CFAP276: variants seen among roughly 807,000 people sequenced by gnomAD.
The protein encoded by CFAP276 is cilia and flagella associated protein 276.
chr1:109,106,680 G>A, the CFAP276 span: 13 of 1,610,144 alleles, frequency 8.1e-6, no homozygotes, highest in South Asian at 1.2e-4. Flanking sequence ...GCATAGGGAA[G>A]AAAAGTGGAG....
the CFAP276 span, chr1:109,108,031 G>A: frequency 1.4e-6 from 2 of 1,436,174 alleles, no homozygotes; most frequent in Admixed American, 1.7e-5. Flanking sequence ...TTCTTATATG[G>A]CAATTTCTGC....
the CFAP276 span, among the ~76,000 whole-genome samples, chr1:109,109,492 C>T: frequency 6.7e-6 from 1 of 150,114 alleles, no homozygotes; most frequent in South Asian, 2.1e-4. Context: ...CATTGTAATC[C>T]TCCTTCCCCA....
the CFAP276 span, chr1:109,106,877 C>T: frequency 0.027 from 23,662 of 870,396 alleles, 411 homozygotes; most frequent in Non-Finnish European, 0.032. Flanking sequence ...ATTATAGACA[C>T]AGATGTAAAA....
the CFAP276 span, chr1:109,106,590 G>T: frequency 6.2e-7 from 1 of 1,614,028 alleles, no homozygotes; most frequent in South Asian, 1.1e-5. Context: ...TCCAGTGTCT[G>T]ATGTTAGCCA....
At chr1:109,111,992 T>TA in the CFAP276 span, among the ~76,000 whole-genome samples, 2 of 152,218 alleles carry the variant, frequency 1.3e-5, no homozygotes, top group Non-Finnish European at 1.5e-5. Flanking sequence ...TGGCTTATAG[T>TA]AAATAAGTAT....
At chr1:109,113,041 T>A in the CFAP276 span, among the ~76,000 whole-genome samples, 2 of 152,100 alleles carry the variant, frequency 1.3e-5, no homozygotes, top group Non-Finnish European at 2.9e-5. Flanking sequence ...GAAATTTCCT[T>A]CTCCCTCGCA....
the CFAP276 span, chr1:109,107,031 T>C: frequency 6.2e-7 from 1 of 1,614,186 alleles, no homozygotes; most frequent in East Asian, 2.2e-5. Context: ...CGTGGTTTTC[T>C]GGTTTAACAG....
the CFAP276 span, among the ~76,000 whole-genome samples, chr1:109,113,451 A>AGAGAGAGAGAGT: frequency 1.4e-4 from 17 of 120,444 alleles, no homozygotes; most frequent in East Asian, 4.9e-3. Context: ...AGAGAGAGAG[A>AGAGAGAGAGAGT]GAGAGAGAGA....
the CFAP276 span, chr1:109,106,626 G>T: frequency 1.9e-6 from 3 of 1,613,668 alleles, no homozygotes; most frequent in Non-Finnish European, 2.5e-6. Context: ...GAGTGGGAGG[G>T]GTTAAAAATT....
the CFAP276 span, chr1:109,106,818 A>G: frequency 4.3e-6 from 4 of 941,106 alleles, no homozygotes; most frequent in Admixed American, 2.9e-5. Flanking sequence ...GATGAGCACA[A>G]TCTTGGGAGA....
chr1:109,108,645 T>A, the CFAP276 span, among the ~76,000 whole-genome samples: 4 of 152,160 alleles, frequency 2.6e-5, no homozygotes, highest in African/African-American at 9.7e-5. Context: ...GGTTTAGATG[T>A]ACTGAGTTTG....
At chr1:109,111,451 C>T in the CFAP276 span, among the ~76,000 whole-genome samples, 1 of 146,468 alleles carries the variant, frequency 6.8e-6, no homozygotes, top group Non-Finnish European at 1.5e-5. Flanking sequence ...GCTGGGGTGA[C>T]AGAGCAAGGA....
At chr1:109,109,533 CTTTTTTT>C in the CFAP276 span, among the ~76,000 whole-genome samples, 1 of 114,968 alleles carries the variant, frequency 8.7e-6, no homozygotes, top group Non-Finnish European at 1.7e-5. Flanking sequence ...TGAGCCATAC[CTTTTTTT>C]TTTTTTTTTT....
the CFAP276 span, among the ~76,000 whole-genome samples, chr1:109,111,299 T>C: frequency 6.0e-4 from 91 of 152,072 alleles, 1 homozygote; most frequent in African/African-American, 2.2e-3. Context: ...AGATCCTGGT[T>C]CTACAAAAAA....
At chr1:109,106,802 T>C in the CFAP276 span, 1 of 1,054,826 alleles carries the variant, frequency 9.5e-7, no homozygotes, top group Middle Eastern at 2.3e-4. Context: ...AGATTTTGTT[T>C]ATACAGATGA....
the CFAP276 span, among the ~76,000 whole-genome samples, chr1:109,111,690 C>G: frequency 6.6e-6 from 1 of 152,184 alleles, no homozygotes; most frequent in African/African-American, 2.4e-5. Flanking sequence ...TTTGCACCTG[C>G]TGCTTCCTTT....
chr1:109,107,174 C>G, the CFAP276 span: 2 of 1,405,656 alleles, frequency 1.4e-6, no homozygotes, highest in Non-Finnish European at 2.0e-6. Flanking sequence ...TGTCCCTGCT[C>G]TAGTCAGGTT....
At chr1:109,106,692 G>C in the CFAP276 span, 1 of 1,605,440 alleles carries the variant, frequency 6.2e-7, no homozygotes, top group Non-Finnish European at 8.5e-7. Context: ...AAAGTGGAGA[G>C]TGAAATCAAT....
the CFAP276 span, chr1:109,112,899 G>C: frequency 1.6e-6 from 1 of 629,940 alleles, no homozygotes; most frequent in African/African-American, 2.2e-5. Flanking sequence ...GACTGCAGAG[G>C]GAACGTTCCG....
Sources: gnomAD v4.1 joint callset for allele counts (sites outside exome capture counted in the v4.1 genomes callset) on GRCh38, gnomAD v4.1.1 for gene constraint, MANE v1.5 for transcripts, NCBI Gene and HGNC (gene_info 2026-07-23, HGNC 2026-07-21) for gene names.